GPATCH1: variants seen among roughly 807,000 people sequenced by gnomAD.
The protein encoded by GPATCH1 is G-patch domain containing 1.
In GPATCH1, 73 loss-of-function variants were observed where a neutral mutation model predicts 114.9. The ratio of observed to expected loss-of-function variants is 0.64; its 90% confidence interval spans 0.53 to 0.77. GPATCH1 has a LOEUF of 0.77. Among genes scored for constraint, GPATCH1 ranks in the 30% least tolerant of loss-of-function variants. The pLI, the probability that GPATCH1 is intolerant of heterozygous loss-of-function variation, is 0.00. For synonymous variants in GPATCH1, 391 were observed against 428.4 expected (o/e 0.91, Z 1.08); for missense variants, 1,058 against 1,144.3 (o/e 0.92, Z 1.09).
intron 18 of GPATCH1, 151 bp downstream of exon 18, chr19:33,125,353 A>G (rs541199841): frequency 1.1e-6 from 1 of 883,962 alleles, no homozygotes; most frequent in Non-Finnish European, 1.7e-6. Flanking sequence ...ATTCAATTCA[A>G]ATGCTTGATT....
chr19:33,089,652 ACT>A (rs1234711860), intron 2 of GPATCH1, among the ~76,000 whole-genome samples: 1 of 148,448 alleles, frequency 6.7e-6, no homozygotes, highest in Non-Finnish European at 1.5e-5. Context: ...ATGTAGTCTC[ACT>A]CTGTCGCCCA....
At chr19:33,112,827 A>T (rs1246005015) in intron 13 of GPATCH1, 1 of 411,906 alleles carries the variant, frequency 2.4e-6, no homozygotes, top group Non-Finnish European at 4.3e-6. Context: ...ACTTTATTCC[A>T]TATTGAAGCT....
chr19:33,123,485 C>G (rs1264670416), intron 17 of GPATCH1, among the ~76,000 whole-genome samples: 1 of 151,862 alleles, frequency 6.6e-6, no homozygotes, highest in Admixed American at 6.6e-5. Flanking sequence ...CATGGTAGCT[C>G]ACACATGTAA....
chr19:33,119,711 A>G (rs1345226733), intron 17 of GPATCH1, among the ~76,000 whole-genome samples: 7 of 145,448 alleles, frequency 4.8e-5, no homozygotes, highest in Non-Finnish European at 7.5e-5. Context: ...AAAAAAAAAA[A>G]GGGGCTGCAG....
rs1478728179 is a variant in GPATCH1 at position 33,088,114 on chromosome 19, T to G, written c.74-20T>G. 21 of 191,420 alleles carry G rather than the reference T, an allele frequency of 1.1e-4. No individual in the cohort carries two copies. Among genetic ancestry groups the G allele is most frequent in the Non-Finnish European group, 1.3e-4 (20 of 154,080 alleles). The allele number at this position is 191,420 out of a possible 1,614,324, so 11.9% of individuals were successfully genotyped here. On this transcript the variant is annotated intron_variant, in intron 1 of 19. Coordinates refer to ENST00000170564, the MANE Select transcript of GPATCH1 (RefSeq NM_018025.3). ...TCCTCTCTTTTTCATTTAAAAAACT[T>G]TTTTTTTTTTTTTTTTTAGGTGAAA...
chr19:33,118,101 G>A (rs1251394403), intron 16 of GPATCH1, 60 bp downstream of exon 16: 11 of 1,099,680 alleles, frequency 1.0e-5, no homozygotes, highest in Non-Finnish European at 1.5e-5. Flanking sequence ...TAGGACAGCT[G>A]CTTCTCTGTT....
chr19:33,097,889 T>C lies in GPATCH1; in HGVS notation c.987T>C (p.Tyr329=), dbSNP rs562473996. Residue 329 remains tyrosine, a synonymous_variant, in exon 8 of 20, where the codon TAT becomes TAC. Coordinates refer to ENST00000170564, the MANE Select transcript of GPATCH1 (RefSeq NM_018025.3). ...GLYGWTAPRQ[Y]KNQKESEKDL... The stretch of plus-strand genomic sequence containing the variant: ...ATGGCTGGACAGCACCCAGGCAGTA[T>C]AAAAACCAGAAAGGTAATTCGACAG... 2.5e-6 allele frequency: 4 copies of C among 1,613,924 alleles called. No individual in the cohort carries two copies. In the African/African-American group the frequency reaches 4.0e-5, roughly 16 times the overall value.
intron 1 of GPATCH1, 78 bp from the exon 2 acceptor site, chr19:33,088,056 A>G: frequency 1.3e-6 from 1 of 767,888 alleles, no homozygotes; most frequent in South Asian, 2.2e-5. Flanking sequence ...ATATTTAAAA[A>G]GTGACATTTT....
chr19:33,084,850 G>A (rs1484922699), intron 1 of GPATCH1, among the ~76,000 whole-genome samples: 3 of 151,470 alleles, frequency 2.0e-5, no homozygotes, highest in Admixed American at 2.0e-4. Flanking sequence ...TAGTAGAGGC[G>A]GGGTTTCACA....
At position 33,094,306 on chromosome 19, in the gene GPATCH1, C is replaced by A. The variant is rs766648945; in HGVS notation, c.553+37C>A. 74 of 1,084,524 alleles carry A rather than the reference C, an allele frequency of 6.8e-5. No individual in the cohort carries two copies. In the East Asian group the frequency reaches 1.6e-3, roughly 24 times the overall value. The allele number at this position is 1,084,524 out of a possible 1,614,324, so 67.2% of individuals were successfully genotyped here. On this transcript the variant is annotated intron_variant, in intron 5 of 19. Coordinates refer to ENST00000170564, the MANE Select transcript of GPATCH1 (RefSeq NM_018025.3). ...AATTGATTAACTGTTATCACTGCTG[C>A]AGCGTACTTTTTTTTTTTTTTTGAG...
At chr19:33,112,928 GT>G (rs1439306185) in intron 13 of GPATCH1, 6 of 197,502 alleles carry the variant, frequency 3.0e-5, no homozygotes, top group Non-Finnish European at 6.1e-5. Flanking sequence ...CATTTATAAT[GT>G]TACTTATGTT....
chr19:33,125,789 G>A (rs181556457), intron 18 of GPATCH1, among the ~76,000 whole-genome samples: 6 of 152,312 alleles, frequency 3.9e-5, no homozygotes, highest in Non-Finnish European at 8.8e-5. Flanking sequence ...TTTATTCAAT[G>A]TTAAGTGAAG....
chr19:33,114,161 C>T lies in GPATCH1; in HGVS notation c.2030-92C>T, dbSNP rs959591138. 173 of 1,235,710 alleles carry T rather than the reference C, an allele frequency of 1.4e-4. 3 individuals carry two copies. The highest frequency in any genetic ancestry group is 3.8e-4 in the South Asian group (30 of 78,556). 76.5% of individuals were successfully genotyped at this position (1,235,710 alleles called of 1,614,324 possible). ...CACAGTGCCAGGCCCCTAGTAGGCA[C>T]GCTGACATTCTGAGTGAATGAAAGA... On this transcript the variant is annotated intron_variant, in intron 14 of 19. Transcript: ENST00000170564.
chr19:33,095,832 T>C lies in GPATCH1; in HGVS notation c.612+12T>C, dbSNP rs560011910. ...CGGAAGGATCTGAGGTATTGCATGG[T>C]GTGACTGACCTTCACTTTGGTACAA... On this transcript the variant is annotated intron_variant, in intron 6 of 19. Coordinates refer to ENST00000170564, the MANE Select transcript of GPATCH1 (RefSeq NM_018025.3). The C allele has an allele frequency of 3.5e-5, 55 of 1,585,402 alleles. No individual in the cohort carries two copies. In the African/African-American group the frequency reaches 6.5e-4, roughly 19 times the overall value.
In GPATCH1 at chr19:33,094,468, G is replaced by A. The variant is rs186249220; in HGVS notation, c.553+199G>A. ...TGGGACCACAGGCATGTGCCACTGC[G>A]CCAGGCTAATTTTTTGTATTTTTTG... On this transcript the variant is annotated intron_variant, in intron 5 of 19. Coordinates refer to ENST00000170564, the MANE Select transcript of GPATCH1 (RefSeq NM_018025.3). 1.4e-4 allele frequency among the ~76,000 whole-genome samples: 21 copies of A among 152,236 alleles called. No homozygotes were observed. The South Asian group carries it at 3.1e-3, about 23-fold the overall frequency.
In GPATCH1 at chr19:33,106,474, G is replaced by A. The variant is rs137871075; in HGVS notation, c.1081-221G>A. ...TGTAGAAATGGGTGGGAGGATATTCGAAATGCCTGACCACTGGAACACGGT... is the reference window on the plus strand; with the variant it reads ...TGTAGAAATGGGTGGGAGGATATTCAAAATGCCTGACCACTGGAACACGGT... On this transcript the variant is annotated intron_variant, in intron 9 of 19. Coordinates refer to ENST00000170564, the MANE Select transcript of GPATCH1 (RefSeq NM_018025.3). Among the ~76,000 whole-genome samples, 624 of 152,164 alleles carry A rather than the reference G, an allele frequency of 4.1e-3. 3 individuals carry two copies. Among genetic ancestry groups the A allele is most frequent in the Middle Eastern group, 0.017 (5 of 292 alleles).
intron 11 of GPATCH1, among the ~76,000 whole-genome samples, chr19:33,110,362 G>T (rs1972838690): frequency 6.6e-6 from 1 of 152,162 alleles, no homozygotes; most frequent in Admixed American, 6.6e-5. Context: ...CTCATCCGAA[G>T]ATCCTAACCA....
chr19:33,128,292 G>T (rs150337033), intron 19 of GPATCH1, among the ~76,000 whole-genome samples: 1 of 151,858 alleles, frequency 6.6e-6, no homozygotes, highest in Non-Finnish European at 1.5e-5. Flanking sequence ...ACAGAGTCTT[G>T]CTCTGTCACC....
chr19:33,082,522 G>A (rs906351007), intron 1 of GPATCH1, among the ~76,000 whole-genome samples: 4 of 152,016 alleles, frequency 2.6e-5, no homozygotes, highest in Non-Finnish European at 5.9e-5. Context: ...CTGGATACTG[G>A]CCCTTCTTCT....
Sources: allele counts gnomAD v4.1 joint callset (sites outside exome capture counted in the v4.1 genomes callset), GRCh38; gene constraint gnomAD v4.1.1; transcripts MANE v1.5; gene names NCBI Gene and HGNC (gene_info 2026-07-23, HGNC 2026-07-21).